HS3ST4: variants seen among roughly 807,000 people sequenced by gnomAD.
HS3ST4 encodes the protein heparan sulfate-glucosamine 3-sulfotransferase 4, also known as heparan sulfate glucosamine 3-O-sulfotransferase 4.
A neutral mutation model predicts 29.2 loss-of-function variants in HS3ST4; 17 were observed. The observed-to-expected ratio is 0.58, with a 90% CI of 0.40 to 0.87. The LOEUF is 0.87. Ranked by LOEUF, HS3ST4 falls within the 40% of genes least tolerant of loss-of-function variation. The pLI is 0.00. For synonymous variants in HS3ST4, 314 were observed against 285.7 expected, an observed-to-expected ratio of 1.10 and a Z score of -1.00; for missense variants, 627 against 634.5, an observed-to-expected ratio of 0.99 and a Z score of 0.13.
At chr16:26,109,662 A>T (rs1045650233) in intron 1 of HS3ST4, among the ~76,000 whole-genome samples, 4 of 151,018 alleles carry the variant, frequency 2.6e-5, no homozygotes, top group Non-Finnish European at 4.4e-5. Context: ...ACACGGTCTT[A>T]TATTGTCAAT....
chr16:25,815,437 C>A (rs1967083930), intron 1 of HS3ST4, among the ~76,000 whole-genome samples: 2 of 152,166 alleles, frequency 1.3e-5, no homozygotes, highest in African/African-American at 4.8e-5. Flanking sequence ...GATTCTTCTG[C>A]CTCAGCCTCA....
At chr16:25,857,898 TTCTTCCTTCCTTCCTTCCTTCC>T (rs1473593388) in intron 1 of HS3ST4, among the ~76,000 whole-genome samples, 698 of 49,764 alleles carry the variant, frequency 0.014, 8 homozygotes, top group African/African-American at 0.045. Context: ...TTCTTTTTCT[TTCTTCCTTCCTTCCTTCCTTCC>T]TTTCTTTCTT....
intron 1 of HS3ST4, among the ~76,000 whole-genome samples, chr16:25,828,230 C>CTT (rs1967241186): frequency 1.3e-5 from 1 of 78,258 alleles, no homozygotes; most frequent in Non-Finnish European, 2.4e-5. Flanking sequence ...TCCTTTCTTT[C>CTT]TTTCTTTCTT....
At chr16:26,044,977 C>G (rs1392547626) in intron 1 of HS3ST4, among the ~76,000 whole-genome samples, 1 of 152,178 alleles carries the variant, frequency 6.6e-6, no homozygotes, top group East Asian at 1.9e-4. Flanking sequence ...TCTCAACGCT[C>G]TCCTGGGAGA....
intron 1 of HS3ST4, among the ~76,000 whole-genome samples, chr16:25,701,532 G>A (rs562148780): frequency 6.6e-6 from 1 of 152,278 alleles, no homozygotes; most frequent in East Asian, 1.9e-4. Flanking sequence ...TGTACGTTAA[G>A]TATATAAAGA....
intron 1 of HS3ST4, among the ~76,000 whole-genome samples, chr16:26,116,399 C>T (rs996745012): frequency 1.3e-5 from 2 of 152,122 alleles, no homozygotes; most frequent in Non-Finnish European, 2.9e-5. Context: ...TGATCACACC[C>T]GCATTCAAGG....
chr16:26,029,910 C>G (rs1242942845), intron 1 of HS3ST4, among the ~76,000 whole-genome samples: 2 of 152,128 alleles, frequency 1.3e-5, no homozygotes, highest in Non-Finnish European at 2.9e-5. Flanking sequence ...CTTTCTTAAC[C>G]CCACACCTCT....
chr16:25,706,362 A>T (rs909242819), intron 1 of HS3ST4, among the ~76,000 whole-genome samples: 1 of 151,962 alleles, frequency 6.6e-6, no homozygotes, highest in Non-Finnish European at 1.5e-5. Context: ...TCTGCCTAAC[A>T]TGCTTTCTTT....
chr16:26,102,592 G>A (rs187405789), intron 1 of HS3ST4, among the ~76,000 whole-genome samples: 14 of 152,220 alleles, frequency 9.2e-5, no homozygotes, highest in Admixed American at 4.6e-4. Flanking sequence ...AAGATCGTAC[G>A]TACAAAACAA....
intron 1 of HS3ST4, among the ~76,000 whole-genome samples, chr16:26,100,525 A>T (rs1465941730): frequency 6.6e-6 from 1 of 151,960 alleles, no homozygotes; most frequent in South Asian, 2.1e-4. Flanking sequence ...ATGATGACTG[A>T]CTTAGTTGCC....
chr16:26,128,075 C>T (rs1480235425), intron 1 of HS3ST4, among the ~76,000 whole-genome samples: 1 of 152,034 alleles, frequency 6.6e-6, no homozygotes, highest in African/African-American at 2.4e-5. Context: ...TCCTTTGCTC[C>T]TCCTCTTCCT....
chr16:26,073,754 G>T (rs1898628115), intron 1 of HS3ST4, among the ~76,000 whole-genome samples: 1 of 152,206 alleles, frequency 6.6e-6, no homozygotes, highest in South Asian at 2.1e-4. Context: ...CTGTCAAAGA[G>T]ATAGTGCAGT....
intron 1 of HS3ST4, among the ~76,000 whole-genome samples, chr16:26,030,263 C>T (rs1183085887): frequency 1.3e-5 from 2 of 152,158 alleles, no homozygotes; most frequent in East Asian, 1.9e-4. Context: ...AAGGAAATAG[C>T]TGGGTGTGGT....
chr16:25,819,809 G>C (rs1239158730), intron 1 of HS3ST4, among the ~76,000 whole-genome samples: 1 of 151,726 alleles, frequency 6.6e-6, no homozygotes, highest in South Asian at 2.1e-4. Context: ...AAGAGGAAAG[G>C]ATTTCAGTTT....
At chr16:25,708,083 T>G (rs558056275) in intron 1 of HS3ST4, among the ~76,000 whole-genome samples, 2 of 152,314 alleles carry the variant, frequency 1.3e-5, no homozygotes, top group South Asian at 4.1e-4. Context: ...TAGTCATTGA[T>G]CCGGTACCAC....
chr16:25,890,151 A>T (rs1967993431), intron 1 of HS3ST4, among the ~76,000 whole-genome samples: 1 of 152,196 alleles, frequency 6.6e-6, no homozygotes, highest in South Asian at 2.1e-4. Flanking sequence ...TTATATTATT[A>T]TTCCCTCTAT....
chr16:26,075,145 G>A (rs1211179748), intron 1 of HS3ST4, among the ~76,000 whole-genome samples: 5 of 152,088 alleles, frequency 3.3e-5, no homozygotes, highest in Admixed American at 6.5e-5. Flanking sequence ...GTGAGCCGAG[G>A]TGGTGCCAGT....
At chr16:25,720,554 T>C (rs1966485983) in intron 1 of HS3ST4, among the ~76,000 whole-genome samples, 1 of 152,166 alleles carries the variant, frequency 6.6e-6, no homozygotes, top group Admixed American at 6.5e-5. Flanking sequence ...AAGAATTGGT[T>C]CTTCCTGCTC....
chr16:25,913,099 G>T (rs542163802), intron 1 of HS3ST4, among the ~76,000 whole-genome samples: 6 of 152,320 alleles, frequency 3.9e-5, no homozygotes, highest in South Asian at 4.1e-4. Context: ...TTTGGTGAGC[G>T]AATGGAGCCT....
Sources: allele counts gnomAD v4.1 joint callset (sites outside exome capture counted in the v4.1 genomes callset), GRCh38; gene constraint gnomAD v4.1.1; transcripts MANE v1.5; gene names NCBI Gene and HGNC (gene_info 2026-07-23, HGNC 2026-07-21).